The following MBP variants were observed in gnomAD, a reference collection of about 807,000 sequenced individuals.
The protein encoded by MBP is myelin basic protein.
A neutral mutation model predicts 35.8 loss-of-function variants in MBP; 16 were observed. The ratio of observed to expected loss-of-function variants is 0.45; its 90% confidence interval spans 0.30 to 0.68. The LOEUF is 0.68. Among genes scored for constraint, MBP ranks in the 30% least tolerant of loss-of-function variants. The pLI, the probability that MBP is intolerant of heterozygous loss-of-function variation, is 0.08. For missense variants in MBP, 380 were observed against 404.7 expected (o/e 0.94, Z 0.52); for synonymous variants, 143 against 159.6 (o/e 0.90, Z 0.78).
chr18:76,987,631 T>C, intron 7 of MBP: 1 of 985,866 alleles, frequency 1.0e-6, no homozygotes, highest in Non-Finnish European at 1.2e-6. Flanking sequence ...GAGCAGAAAG[T>C]GTAGGTAGGC....
rs754016352 is a variant in MBP, at chr18:77,029,793, A to AACACAC, written c.140-12531_140-12526dup. On this transcript the variant is annotated intron_variant, in intron 3 of 8. Transcript: ENST00000355994. ...TAAAATGACCACACACACACACACA[A>AACACAC]ACACACACACACACACGCAGTCACC... 1.8e-3 allele frequency among the ~76,000 whole-genome samples: 266 copies of AACACAC among 150,524 alleles called. 1 individual carries two copies. The Middle Eastern group carries it at 0.028, about 16-fold the overall frequency.
intron 7 of MBP, chr18:76,985,268 C>A: frequency 7.5e-7 from 1 of 1,327,394 alleles, no homozygotes; most frequent in Non-Finnish European, 9.9e-7. Context: ...TAAGGAGGCT[C>A]CTGCCTACAC....
At chr18:77,033,261 C>T (rs1453980941) in intron 3 of MBP, among the ~76,000 whole-genome samples, 1 of 152,084 alleles carries the variant, frequency 6.6e-6, no homozygotes, top group African/African-American at 2.4e-5. Context: ...AGCCACTCCA[C>T]CCAGCCAAAC....
rs373243728 is a variant in MBP, at chr18:77,012,934, C to T, written c.576+3898G>A. On this transcript the variant is annotated intron_variant, in intron 4 of 8. Transcript: ENST00000355994. ...ATTCCCATGATTTACAAATGTATCG[C>T]TTATACAGAGGAAGTTGCAAAATCA... The T allele has an allele frequency of 4.1e-5, 40 of 985,410 alleles. No individual in the cohort carries two copies. In the East Asian group the frequency reaches 3.7e-3, roughly 92 times the overall value. The allele number at this position is 985,410 out of a possible 1,614,324, so 61.0% of individuals were successfully genotyped here.
intron 2 of MBP, among the ~76,000 whole-genome samples, chr18:77,074,456 T>C (rs562952195): frequency 1.3e-5 from 2 of 152,236 alleles, no homozygotes; most frequent in South Asian, 2.1e-4. Context: ...CACACTTTCG[T>C]AGGATTCTTT....
chr18:77,064,968 A>G (rs79465495), intron 3 of MBP, among the ~76,000 whole-genome samples: 2,147 of 152,272 alleles, frequency 0.014, 54 homozygotes, highest in African/African-American at 0.049. Flanking sequence ...AGCAGAATAG[A>G]ACTGCTTTGA....
intron 3 of MBP, among the ~76,000 whole-genome samples, chr18:77,032,458 C>G (rs985853076): frequency 6.8e-6 from 1 of 146,808 alleles, no homozygotes; most frequent in Non-Finnish European, 1.5e-5. Flanking sequence ...CTCCACATAG[C>G]TCACCCCTGG....
intron 3 of MBP, among the ~76,000 whole-genome samples, chr18:77,039,796 C>A (rs1319273689): frequency 6.6e-6 from 1 of 152,210 alleles, no homozygotes; most frequent in African/African-American, 2.4e-5. Context: ...TCATTTATCA[C>A]TGAGAAGCTA....
chr18:77,041,231 C>T (rs1166804167), intron 3 of MBP, among the ~76,000 whole-genome samples: 3 of 152,112 alleles, frequency 2.0e-5, no homozygotes, highest in Non-Finnish European at 4.4e-5. Flanking sequence ...CAATGAGATA[C>T]CATCTCACAC....
At position 77,102,293 on chromosome 18, in the gene MBP, T is replaced by C. The variant is rs992964266; in HGVS notation, c.51+2918A>G. ...ACCAGCACCTGAAACTGACAGAAAC[T>C]TTCCTTGACTCTCTCATAAGGGGGA... On this transcript the variant is annotated intron_variant, in intron 2 of 8. Coordinates refer to ENST00000355994, the MANE Select transcript of MBP (RefSeq NM_001025101.2). The surrounding 1 kb of genome is among the most constrained non-coding windows in gnomAD (Gnocchi z 4.4). Among the ~76,000 whole-genome samples, 3 of 152,136 alleles carry C rather than the reference T, an allele frequency of 2.0e-5. No homozygotes were observed. Among genetic ancestry groups the C allele is most frequent in the African/African-American group, 7.2e-5 (3 of 41,424 alleles).
chr18:76,988,748 C>T lies in MBP; in HGVS notation c.717+129G>A. ...TCTGCCGACCTGTTCTACTTGGGAG[C>T]TGCCTGGCAACACGTTTTGGGATGG... On this transcript the variant is annotated intron_variant, in intron 6 of 8. Transcript: ENST00000355994. This position sits in a 1 kb window ranked among gnomAD's most constrained non-coding sequence, Gnocchi z 5.2. The T allele has an allele frequency of 7.5e-7, 1 of 1,336,768 alleles. No homozygotes were observed. 82.8% of individuals were successfully genotyped at this position (1,336,768 alleles called of 1,614,324 possible). A position where few individuals can be genotyped will look rare whatever the true frequency, so the allele number is the denominator to read the frequency against.
At position 77,013,350 on chromosome 18, in the gene MBP, C is replaced by T. The variant is rs60084519; in HGVS notation, c.576+3482G>A. The T allele has an allele frequency of 6.7e-4, 656 of 985,404 alleles. 6 individuals are homozygous for T. The African/African-American group carries it at 0.011, about 16-fold the overall frequency. The allele number at this position is 985,404 out of a possible 1,614,324, so 61.0% of individuals were successfully genotyped here. A position where few individuals can be genotyped will look rare whatever the true frequency, so the allele number is the denominator to read the frequency against. Reference sequence around the variant, plus strand: ...ACCCCTGTGTGTTGCTGCTGCCTTCCGTGCTGTCTACTGTATCCTTCATGT... The same window carrying T: ...ACCCCTGTGTGTTGCTGCTGCCTTCTGTGCTGTCTACTGTATCCTTCATGT... On this transcript the variant is annotated intron_variant, in intron 4 of 8. Coordinates refer to ENST00000355994, the MANE Select transcript of MBP (RefSeq NM_001025101.2).
chr18:77,084,588 T>G (rs1415544903), intron 2 of MBP, among the ~76,000 whole-genome samples: 1 of 152,100 alleles, frequency 6.6e-6, no homozygotes, highest in African/African-American at 2.4e-5. Context: ...ATCCTCCTTA[T>G]TTTTCCTTAA....
chr18:77,038,483 A>C (rs1351071949), intron 3 of MBP, among the ~76,000 whole-genome samples: 1 of 152,168 alleles, frequency 6.6e-6, no homozygotes, highest in Non-Finnish European at 1.5e-5. Context: ...AGAAAGGCAA[A>C]CCCTTTGTTT....
chr18:77,131,740 A>C lies in MBP; in HGVS notation c.-26+840T>G, dbSNP rs951571347. 1.6e-4 allele frequency: 24 copies of C among 152,064 alleles called. No individual in the cohort carries two copies. The highest frequency in any genetic ancestry group is 5.8e-4 in the African/African-American group (24 of 41,356). The allele number at this position is 152,064 out of a possible 1,614,324, so 9.4% of individuals were successfully genotyped here. A position where few individuals can be genotyped will look rare whatever the true frequency, so the allele number is the denominator to read the frequency against. ...ATCTAGTGTGGCGGCAAATGACCGCAGGTCACACACCCCGGCCTCGGGGGC... is the reference window on the plus strand; with the variant it reads ...ATCTAGTGTGGCGGCAAATGACCGCCGGTCACACACCCCGGCCTCGGGGGC... On this transcript the variant is annotated intron_variant, in intron 1 of 8. Transcript: ENST00000355994. The surrounding 1 kb of genome is among the most constrained non-coding windows in gnomAD (Gnocchi z 5.5).
At chr18:77,063,896 ATGTGTGTG>A (rs10554697) in intron 3 of MBP, among the ~76,000 whole-genome samples, 83 of 149,846 alleles carry the variant, frequency 5.5e-4, no homozygotes, top group Non-Finnish European at 9.1e-4. Flanking sequence ...ACCTATACAT[ATGTGTGTG>A]TGTGTGTGTG....
rs1491311244 is a variant in MBP at position 77,131,026 on chromosome 18, A to AC, written c.-26+1553_-26+1554insG. Among the ~76,000 whole-genome samples, 4 of 20,480 alleles carry AC rather than the reference A, an allele frequency of 2.0e-4. No homozygotes were observed. The highest frequency in any genetic ancestry group is 0.029 in the Middle Eastern group (1 of 34). 13.4% of individuals were successfully genotyped at this position (20,480 alleles called of 152,430 possible). A position where few individuals can be genotyped will look rare whatever the true frequency, so the allele number is the denominator to read the frequency against. On this transcript the variant is annotated intron_variant, in intron 1 of 8. Transcript: ENST00000355994. This position sits in a 1 kb window ranked among gnomAD's most constrained non-coding sequence, Gnocchi z 5.5. ...TCCCTCAGATTTCTGTTTTTCCCACAAAAAAAAAAAAAAAACAAAACCTCA... is the reference window on the plus strand; with the variant it reads ...TCCCTCAGATTTCTGTTTTTCCCACACAAAAAAAAAAAAAAACAAAACCTCA...
intron 7 of MBP, chr18:76,985,852 C>G: frequency 1.0e-6 from 1 of 988,862 alleles, no homozygotes; most frequent in South Asian, 4.7e-5. Flanking sequence ...TTGGTGCCAG[C>G]TGTCATTTAT....
intron 3 of MBP, among the ~76,000 whole-genome samples, chr18:77,056,385 C>T (rs1973723372): frequency 1.3e-5 from 2 of 152,230 alleles, no homozygotes; most frequent in South Asian, 4.1e-4. Flanking sequence ...TGAATTATTT[C>T]TCCGTCCCTT....
Sources: gnomAD v4.1 joint callset for allele counts (sites outside exome capture counted in the v4.1 genomes callset) on GRCh38, gnomAD v4.1.1 for gene constraint, Gnocchi (gnomAD v3.1) non-coding constraint, MANE v1.5 for transcripts, NCBI Gene and HGNC (gene_info 2026-07-23, HGNC 2026-07-21) for gene names.